The following ERCC6L2 variants were observed in gnomAD, a reference collection of about 807,000 sequenced individuals.
ERCC6L2 encodes ERCC excision repair 6 like 2, also known as DNA excision repair protein ERCC-6-like 2.
Under a neutral mutation model 132.0 loss-of-function variants are expected in ERCC6L2, and 77 were observed. The observed-to-expected ratio is 0.58, with a 90% confidence interval of 0.49 to 0.71. The LOEUF is 0.71. Ranked by LOEUF, ERCC6L2 falls within the 30% of genes least tolerant of loss-of-function variation. The pLI is 0.00. For synonymous variants in ERCC6L2, 583 were observed against 632.4 expected, an observed-to-expected ratio of 0.92 and a Z score of 1.17; for missense variants, 1,542 against 1,837.6, an observed-to-expected ratio of 0.84 and a Z score of 2.94.
At chr9:95,965,530 T>A (rs1464002270) in intron 13 of ERCC6L2, among the ~76,000 whole-genome samples, 1 of 152,116 alleles carries the variant, frequency 6.6e-6, no homozygotes, top group Non-Finnish European at 1.5e-5. Context: ...TTTTGTTTTT[T>A]GTGACGGAGT....
chr9:96,035,439 A>G (rs1465311247), intron 19 of ERCC6L2, among the ~76,000 whole-genome samples: 2 of 152,308 alleles, frequency 1.3e-5, no homozygotes. Flanking sequence ...GGCCAGAGAC[A>G]GAATATGGCA....
chr9:95,892,517 G>A (rs1828227060), intron 2 of ERCC6L2, among the ~76,000 whole-genome samples: 1 of 149,420 alleles, frequency 6.7e-6, no homozygotes, highest in Non-Finnish European at 1.5e-5. Context: ...TCTGCCTCCT[G>A]GTTCAAGTGA....
intron 11 of ERCC6L2, among the ~76,000 whole-genome samples, chr9:95,939,018 A>C (rs965312106): frequency 7.2e-5 from 11 of 152,024 alleles, no homozygotes; most frequent in South Asian, 2.1e-4. Flanking sequence ...GTCTACTGGT[A>C]TACAGGTTTA....
At chr9:96,031,820 C>T (rs35389791) in intron 19 of ERCC6L2, among the ~76,000 whole-genome samples, 5 of 152,164 alleles carry the variant, frequency 3.3e-5, no homozygotes, top group East Asian at 1.9e-4. Context: ...TTGACCCTAC[C>T]GCCACAGGCC....
chr9:95,989,324 A>G (rs1320547465), intron 17 of ERCC6L2, among the ~76,000 whole-genome samples: 1 of 152,186 alleles, frequency 6.6e-6, no homozygotes, highest in African/African-American at 2.4e-5. Context: ...TTGGTCTTTC[A>G]GGTGACCAGC....
intron 19 of ERCC6L2, among the ~76,000 whole-genome samples, chr9:96,036,498 C>T (rs1834519991): frequency 6.6e-6 from 1 of 152,188 alleles, no homozygotes; most frequent in South Asian, 2.1e-4. Context: ...GATATCTCTT[C>T]AAGCGCCTGC....
chr9:95,908,959 A>T (rs1197291792), intron 4 of ERCC6L2, among the ~76,000 whole-genome samples: 1 of 152,182 alleles, frequency 6.6e-6, no homozygotes, highest in African/African-American at 2.4e-5. Context: ...ATGAGCACAC[A>T]AAAAAGAGAG....
rs1281430548 is a variant in ERCC6L2, at chr9:96,014,403, A to C, written c.*1200A>C. The C allele has an allele frequency of 2.0e-5, 3 of 152,352 alleles. No homozygotes were observed. Among genetic ancestry groups the C allele is most frequent in the African/African-American group, 4.8e-5 (2 of 41,580 alleles). 9.4% of individuals were successfully genotyped at this position (152,352 alleles called of 1,614,324 possible). The stretch of plus-strand genomic sequence containing the variant: ...ATGTAGAGTCATTGCTCAGAAGTGA[A>C]CAAAAAATCAAAAACAAAAGTCTTC... On this transcript the variant is annotated 3_prime_UTR_variant, in exon 19 of 19. Transcript: ENST00000653738.
intron 17 of ERCC6L2, among the ~76,000 whole-genome samples, chr9:95,993,914 A>C (rs1833385570): frequency 6.6e-6 from 1 of 152,210 alleles, no homozygotes; most frequent in Admixed American, 6.5e-5. Context: ...AAACATAGGC[A>C]GAAAATTTGA....
At chr9:96,031,648 G>A (rs767752478) in intron 19 of ERCC6L2, among the ~76,000 whole-genome samples, 7 of 152,252 alleles carry the variant, frequency 4.6e-5, no homozygotes, top group South Asian at 2.1e-4. Flanking sequence ...GCATGCCAGC[G>A]CCCTGAGGGC....
chr9:95,876,046 C>G lies in ERCC6L2; in HGVS notation c.8C>G (p.Pro3Arg). 1 of 1,588,776 alleles carries G rather than the reference C, an allele frequency of 6.3e-7. No individual in the cohort carries two copies. Among genetic ancestry groups the G allele is most frequent in the Non-Finnish European group, 8.6e-7 (1 of 1,168,428 alleles). Residue 3 changes from proline to arginine, a missense_variant, in exon 1 of 19, where the codon CCG (proline) becomes CGG (arginine). Transcript: ENST00000653738. ...GCCCCTCCCCCTGGCCGGATGGATCCGTCGGCGCCACAGCCCCGCGCGGAA... is the reference window on the plus strand; with the variant it reads ...GCCCCTCCCCCTGGCCGGATGGATCGGTCGGCGCCACAGCCCCGCGCGGAA... MD[P>R]SAPQPRAETS...
At chr9:95,907,659 A>G (rs926720959) in intron 4 of ERCC6L2, among the ~76,000 whole-genome samples, 1 of 152,128 alleles carries the variant, frequency 6.6e-6, no homozygotes, top group Non-Finnish European at 1.5e-5. Context: ...TATTTCTTAC[A>G]TTGAATACAG....
At chr9:95,999,086 C>T (rs1272659584) in intron 17 of ERCC6L2, among the ~76,000 whole-genome samples, 3 of 152,146 alleles carry the variant, frequency 2.0e-5, no homozygotes, top group Admixed American at 6.5e-5. Context: ...CCTGGCCGGG[C>T]GTGGTGGCTC....
At chr9:95,982,639 A>G (rs539381137) in intron 17 of ERCC6L2, among the ~76,000 whole-genome samples, 6 of 152,238 alleles carry the variant, frequency 3.9e-5, no homozygotes, top group Admixed American at 3.9e-4. Context: ...CTAGACAGTA[A>G]TTTTATGGCA....
intron 3 of ERCC6L2, among the ~76,000 whole-genome samples, chr9:95,902,511 T>C (rs937197010): frequency 6.6e-6 from 1 of 152,224 alleles, no homozygotes; most frequent in Non-Finnish European, 1.5e-5. Flanking sequence ...AAGAGGATTA[T>C]GTTGCACATG....
At chr9:96,003,255 T>C (rs761345103) in intron 17 of ERCC6L2, among the ~76,000 whole-genome samples, 11 of 152,226 alleles carry the variant, frequency 7.2e-5, no homozygotes, top group Non-Finnish European at 1.3e-4. Flanking sequence ...TCTGTTTTCA[T>C]TGGAATCAAA....
At chr9:95,884,899 G>T (rs1827784336) in intron 2 of ERCC6L2, among the ~76,000 whole-genome samples, 1 of 152,062 alleles carries the variant, frequency 6.6e-6, no homozygotes, top group Non-Finnish European at 1.5e-5. Context: ...TTTCTTTTTT[G>T]TTTGTTTTGT....
chr9:95,909,427 AGGAC>A (rs545833232), intron 4 of ERCC6L2, among the ~76,000 whole-genome samples: 22 of 152,166 alleles, frequency 1.4e-4, no homozygotes, highest in Non-Finnish European at 1.8e-4. Context: ...TTATCATCCC[AGGAC>A]TTTTCTTTTA....
At chr9:95,942,411 G>A (rs1830848066) in intron 12 of ERCC6L2, among the ~76,000 whole-genome samples, 1 of 151,902 alleles carries the variant, frequency 6.6e-6, no homozygotes, top group Admixed American at 6.6e-5. Context: ...AGAATAGGAT[G>A]CCAAGGAAAA....
Sources: gnomAD v4.1 joint callset for allele counts (sites outside exome capture counted in the v4.1 genomes callset) on GRCh38, gnomAD v4.1.1 for gene constraint, MANE v1.5 for transcripts, NCBI Gene and HGNC (gene_info 2026-07-23, HGNC 2026-07-21) for gene names.